Variants in GRID2 observed in about 807,000 individuals in gnomAD.
GRID2 encodes glutamate receptor ionotropic, delta-2.
Under a neutral mutation model 114.8 loss-of-function variants are expected in GRID2, and 33 were observed. The ratio of observed to expected loss-of-function variants is 0.29; its 90% CI spans 0.22 to 0.38. The LOEUF (loss-of-function observed/expected upper bound fraction) is 0.38, where lower values mean the gene tolerates loss of function less well. Ranked by LOEUF, GRID2 falls within the 10% of genes least tolerant of loss-of-function variation. The pLI, the probability that GRID2 is intolerant of heterozygous loss-of-function variation, is 1.00. For synonymous variants in GRID2, 505 were observed against 449.9 expected (o/e 1.12, Z -1.55); for missense variants, 1,184 against 1,257.7 (o/e 0.94, Z 0.89).
intron 1 of GRID2, among the ~76,000 whole-genome samples, chr4:92,577,309 C>A (rs548978009): frequency 2.0e-5 from 3 of 152,102 alleles, no homozygotes; most frequent in Non-Finnish European, 4.4e-5. Context: ...GGACCTGTCA[C>A]TGGCTGTGGG....
chr4:92,609,654 A>G (rs560626129), intron 2 of GRID2, among the ~76,000 whole-genome samples: 52 of 150,942 alleles, frequency 3.4e-4, no homozygotes, highest in African/African-American at 1.3e-3. Context: ...GTAGATCACT[A>G]TAATTTTTCT....
intron 1 of GRID2, among the ~76,000 whole-genome samples, chr4:92,441,057 G>T (rs35838478): frequency 1.0e-3 from 153 of 151,632 alleles, no homozygotes; most frequent in African/African-American, 3.5e-3. Context: ...GCTGCATGCA[G>T]ACATGAGGGC....
At chr4:92,572,208 C>A (rs1328668932) in intron 1 of GRID2, among the ~76,000 whole-genome samples, 8 of 152,074 alleles carry the variant, frequency 5.3e-5, no homozygotes, top group Admixed American at 1.3e-4. Flanking sequence ...GATATCACCA[C>A]CGATCCCACA....
At chr4:92,574,824 T>C (rs908021709) in intron 1 of GRID2, among the ~76,000 whole-genome samples, 3 of 152,166 alleles carry the variant, frequency 2.0e-5, no homozygotes, top group Non-Finnish European at 2.9e-5. Context: ...TCATGGAGTA[T>C]CTTATTGGGG....
chr4:93,491,014 C>T (rs764417534), intron 12 of GRID2, among the ~76,000 whole-genome samples: 3 of 151,892 alleles, frequency 2.0e-5, no homozygotes, highest in Admixed American at 6.6e-5. Flanking sequence ...TTGCTTCCCA[C>T]ATTTTCCTGG....
At chr4:92,348,180 G>T (rs1727876678) in intron 1 of GRID2, among the ~76,000 whole-genome samples, 1 of 151,982 alleles carries the variant, frequency 6.6e-6, no homozygotes, top group East Asian at 1.9e-4. Flanking sequence ...TGCTCATGTT[G>T]GTCTCAAACT....
intron 2 of GRID2, among the ~76,000 whole-genome samples, chr4:92,930,026 C>T (rs1469244590): frequency 6.6e-6 from 1 of 151,242 alleles, no homozygotes; most frequent in African/African-American, 2.4e-5. Context: ...TCCCTCCCTC[C>T]ATCTTGGCCT....
chr4:92,948,924 T>C (rs1751836384), intron 2 of GRID2, among the ~76,000 whole-genome samples: 1 of 151,982 alleles, frequency 6.6e-6, no homozygotes, highest in Non-Finnish European at 1.5e-5. Context: ...AGGAATAATA[T>C]CAGTTTTTTT....
intron 2 of GRID2, among the ~76,000 whole-genome samples, chr4:92,746,662 C>T (rs1737162537): frequency 6.6e-6 from 1 of 152,052 alleles, no homozygotes; most frequent in African/African-American, 2.4e-5. Flanking sequence ...CAGAATGTTT[C>T]ACTGGTATGC....
At chr4:93,584,063 T>C (rs1239731656) in intron 13 of GRID2, among the ~76,000 whole-genome samples, 3 of 152,152 alleles carry the variant, frequency 2.0e-5, no homozygotes, top group African/African-American at 4.8e-5. Flanking sequence ...GTTCCGGTCT[T>C]AGATCACAAA....
intron 4 of GRID2, among the ~76,000 whole-genome samples, chr4:93,163,403 C>CTG (rs1737941685): frequency 1.3e-5 from 1 of 76,862 alleles, no homozygotes; most frequent in African/African-American, 6.6e-5. Context: ...TATATATACA[C>CTG]TATATATATA....
Position 93,613,265 on chromosome 4 carries a change from C to T in GRID2, c.2194-13004C>T, listed in dbSNP as rs1412058853. ...CTTTGCCTTTGGTTTGAATGTCCTCCCGTAGCTCAGAGTAATTTGATCGTC... is the reference window on the plus strand; with the variant it reads ...CTTTGCCTTTGGTTTGAATGTCCTCTCGTAGCTCAGAGTAATTTGATCGTC... On this transcript the variant is annotated intron_variant, in intron 13 of 15. Coordinates refer to ENST00000282020, the MANE Select transcript of GRID2 (RefSeq NM_001510.4). Among the ~76,000 whole-genome samples the T allele has an allele frequency of 3.6e-5, 5 of 139,700 alleles. No individual in the cohort carries two copies. The South Asian group carries it at 9.7e-4, about 27-fold the overall frequency. The allele number at this position is 139,700 out of a possible 152,430, so 91.6% of individuals were successfully genotyped here.
intron 1 of GRID2, among the ~76,000 whole-genome samples, chr4:92,344,220 T>C (rs1727653329): frequency 6.6e-6 from 1 of 152,200 alleles, no homozygotes; most frequent in East Asian, 1.9e-4. Context: ...TCTGTAGGCA[T>C]GCCATCTGGG....
At chr4:93,724,385 G>A (rs1278287611) in intron 14 of GRID2, among the ~76,000 whole-genome samples, 7 of 152,146 alleles carry the variant, frequency 4.6e-5, no homozygotes, top group African/African-American at 1.2e-4. Flanking sequence ...ATGTTGCATC[G>A]TATCTTCATA....
In GRID2 at chr4:92,453,136, T is replaced by C. The variant is rs577139794; in HGVS notation, c.89-136995T>C. Among the ~76,000 whole-genome samples, 383 of 152,050 alleles carry C rather than the reference T, an allele frequency of 2.5e-3. 3 individuals carry two copies. The highest frequency in any genetic ancestry group is 4.6e-3 in the Non-Finnish European group (314 of 67,996). ...CAGAATTTATCATGCAAGAGATTTA[T>C]TGGGAAAATGCCTGTGAAAGAAGAA... On this transcript the variant is annotated intron_variant, in intron 1 of 15. Transcript: ENST00000282020.
chr4:93,240,093 C>G (rs1023117212), intron 8 of GRID2, among the ~76,000 whole-genome samples: 20 of 151,522 alleles, frequency 1.3e-4, no homozygotes, highest in Admixed American at 6.6e-4. Context: ...TACAAAAATT[C>G]TTGGATATAC....
chr4:92,333,070 C>T (rs1426099752), intron 1 of GRID2, among the ~76,000 whole-genome samples: 8 of 152,182 alleles, frequency 5.3e-5, no homozygotes, highest in African/African-American at 1.9e-4. Flanking sequence ...CTAGTGGAGA[C>T]TCTCTGTTGT....
At chr4:93,107,947 G>T (rs1393712057) in intron 3 of GRID2, among the ~76,000 whole-genome samples, 1 of 151,996 alleles carries the variant, frequency 6.6e-6, no homozygotes, top group Non-Finnish European at 1.5e-5. Flanking sequence ...ACCTCTTCCT[G>T]TGTCTCACAG....
intron 3 of GRID2, among the ~76,000 whole-genome samples, chr4:93,093,354 GCTT>G (rs1475552837): frequency 1.4e-4 from 22 of 151,950 alleles, no homozygotes; most frequent in African/African-American, 2.4e-5. Context: ...TCTAGGAGGG[GCTT>G]CTTCTCTTCA....
Sources: allele counts gnomAD v4.1 joint callset (sites outside exome capture counted in the v4.1 genomes callset), GRCh38; gene constraint gnomAD v4.1.1; transcripts MANE v1.5; gene names NCBI Gene and HGNC (gene_info 2026-07-23, HGNC 2026-07-21).